EPHA6: variants seen among roughly 807,000 people sequenced by gnomAD.
EPHA6 encodes ephrin type-A receptor 6.
Under a neutral mutation model 112.0 loss-of-function variants are expected in EPHA6, and 50 were observed. That is an observed-to-expected ratio of 0.45 (90% CI 0.36 to 0.56). The LOEUF (loss-of-function observed/expected upper bound fraction) is 0.56. EPHA6 is among the 20% of genes least tolerant of loss of function. The pLI is 0.00. For missense variants in EPHA6, 1,280 were observed against 1,417.4 expected, an observed-to-expected ratio of 0.90 and a Z score of 1.56; for synonymous variants, 529 against 490.7, an observed-to-expected ratio of 1.08 and a Z score of -1.03.
intron 3 of EPHA6, among the ~76,000 whole-genome samples, chr3:97,059,119 T>G (rs1276469180): frequency 1.3e-5 from 2 of 152,248 alleles, no homozygotes; most frequent in East Asian, 3.9e-4. Context: ...ATAAGAAAAC[T>G]ATTGTTTTCT....
At chr3:97,159,275 C>T (rs2076359322) in intron 3 of EPHA6, among the ~76,000 whole-genome samples, 1 of 152,098 alleles carries the variant, frequency 6.6e-6, no homozygotes, top group Non-Finnish European at 1.5e-5. Context: ...CCAGCCAGCA[C>T]AGTAACTCAC....
At position 96,971,715 on chromosome 3, in the gene EPHA6, AC is replaced by A. The variant is rs2042322905; in HGVS notation, c.451-15612del. Among the ~76,000 whole-genome samples the A allele has an allele frequency of 3.3e-5, 5 of 152,248 alleles. No homozygotes were observed. The Middle Eastern group carries it at 0.014, about 414-fold the overall frequency. The stretch of plus-strand genomic sequence containing the variant: ...CCACTGCAGAATTACAGAATGAGAT[AC>A]CCGTGTACATTCAACAACCTTAGTT... On this transcript the variant is annotated intron_variant, in intron 2 of 17. Transcript: ENST00000389672.
chr3:97,380,506 G>C (rs1329537074), intron 5 of EPHA6, among the ~76,000 whole-genome samples: 1 of 152,162 alleles, frequency 6.6e-6, no homozygotes, highest in Non-Finnish European at 1.5e-5. Context: ...ACACAGGGTG[G>C]TGAGGGGGGA....
chr3:96,815,131 G>C (rs1215217829), intron 1 of EPHA6, 123 bp downstream of exon 1: 1 of 946,532 alleles, frequency 1.1e-6, no homozygotes, highest in Non-Finnish European at 1.5e-6. Flanking sequence ...CTCGCCACAC[G>C]AGGGGATCGA....
chr3:97,373,828 A>AT (rs1411769565), intron 5 of EPHA6, among the ~76,000 whole-genome samples: 2 of 152,110 alleles, frequency 1.3e-5, no homozygotes, highest in Middle Eastern at 6.3e-3. Flanking sequence ...TGCAATATAA[A>AT]TTTTTTCCCT....
At chr3:97,165,071 G>A (rs1043520157) in intron 3 of EPHA6, among the ~76,000 whole-genome samples, 1 of 152,042 alleles carries the variant, frequency 6.6e-6, no homozygotes, top group Non-Finnish European at 1.5e-5. Flanking sequence ...AAACATTTTT[G>A]TTACTAGTCT....
chr3:97,410,266 T>C (rs887662872), intron 6 of EPHA6, among the ~76,000 whole-genome samples: 2 of 152,100 alleles, frequency 1.3e-5, no homozygotes, highest in Admixed American at 6.6e-5. Flanking sequence ...TTTCTAAAGA[T>C]AGATAATCAG....
chr3:97,204,023 A>G (rs534102023), intron 3 of EPHA6, among the ~76,000 whole-genome samples: 14 of 152,266 alleles, frequency 9.2e-5, no homozygotes, highest in African/African-American at 3.1e-4. Context: ...TGGCTGAAAG[A>G]TGCATGATGA....
intron 6 of EPHA6, among the ~76,000 whole-genome samples, chr3:97,405,869 A>G (rs549241167): frequency 1.3e-5 from 2 of 152,182 alleles, no homozygotes; most frequent in South Asian, 2.1e-4. Context: ...GTCATACATT[A>G]GTATATTTCC....
At chr3:97,629,649 C>T (rs1226050788) in intron 13 of EPHA6, among the ~76,000 whole-genome samples, 1 of 151,950 alleles carries the variant, frequency 6.6e-6, no homozygotes, top group Non-Finnish European at 1.5e-5. Context: ...CTGAACTCCT[C>T]TATGGTCACT....
At chr3:96,938,777 C>T (rs902229942) in intron 2 of EPHA6, among the ~76,000 whole-genome samples, 19 of 151,882 alleles carry the variant, frequency 1.3e-4, no homozygotes, top group South Asian at 6.2e-4. Flanking sequence ...TTTTGAGATA[C>T]GTCCCATCAA....
chr3:97,120,934 T>G (rs1456388824), intron 3 of EPHA6, among the ~76,000 whole-genome samples: 1 of 152,054 alleles, frequency 6.6e-6, no homozygotes, highest in East Asian at 1.9e-4. Flanking sequence ...TGAAAAAAAT[T>G]TAATATTAGA....
intron 3 of EPHA6, among the ~76,000 whole-genome samples, chr3:97,002,727 A>C (rs2043713059): frequency 6.6e-6 from 1 of 152,052 alleles, no homozygotes; most frequent in South Asian, 2.1e-4. Context: ...CAAAATTCTT[A>C]CTGTTTTTGC....
intron 3 of EPHA6, among the ~76,000 whole-genome samples, chr3:97,074,365 G>T (rs2046451834): frequency 6.6e-6 from 1 of 151,886 alleles, no homozygotes; most frequent in East Asian, 1.9e-4. Flanking sequence ...AAATTTGGCA[G>T]CAGTTACACT....
intron 5 of EPHA6, among the ~76,000 whole-genome samples, chr3:97,343,112 T>A (rs774053544): frequency 2.0e-5 from 3 of 152,176 alleles, no homozygotes; most frequent in Non-Finnish European, 4.4e-5. Context: ...AGAAGAAAGC[T>A]GTAGAGAAAG....
At chr3:97,419,729 A>AC (rs2088453730) in intron 6 of EPHA6, among the ~76,000 whole-genome samples, 1 of 152,182 alleles carries the variant, frequency 6.6e-6, no homozygotes, top group African/African-American at 2.4e-5. Context: ...AAGTGAGAAA[A>AC]TAAAAAAACA....
intron 12 of EPHA6, among the ~76,000 whole-genome samples, chr3:97,604,393 C>T (rs1273389319): frequency 6.6e-6 from 1 of 151,654 alleles, no homozygotes; most frequent in Non-Finnish European, 1.5e-5. Context: ...AAGTTTACTG[C>T]ATCATATGAA....
chr3:97,459,240 C>T (rs1220722191), intron 7 of EPHA6, among the ~76,000 whole-genome samples: 1 of 152,136 alleles, frequency 6.6e-6, no homozygotes, highest in Admixed American at 6.5e-5. Flanking sequence ...TAGAACTGTG[C>T]TTTTCCAAAA....
intron 3 of EPHA6, among the ~76,000 whole-genome samples, chr3:97,197,728 G>A (rs1206300950): frequency 6.6e-6 from 1 of 151,998 alleles, no homozygotes; most frequent in Non-Finnish European, 1.5e-5. Flanking sequence ...TTCTAGCCCA[G>A]TACAGCGCCA....
Sources: gnomAD v4.1 joint callset for allele counts (sites outside exome capture counted in the v4.1 genomes callset) on GRCh38, gnomAD v4.1.1 for gene constraint, MANE v1.5 for transcripts, NCBI Gene and HGNC (gene_info 2026-07-23, HGNC 2026-07-21) for gene names.